FBXL4: variants seen among roughly 807,000 people sequenced by gnomAD.
The protein encoded by FBXL4 is F-box and leucine rich repeat protein 4.
A neutral mutation model predicts 58.9 loss-of-function variants in FBXL4; 40 were observed. That is an observed-to-expected ratio of 0.68 (90% CI 0.53 to 0.88). The LOEUF (loss-of-function observed/expected upper bound fraction) is 0.88, where lower values mean the gene tolerates loss of function less well. Ranked by LOEUF, FBXL4 falls within the 40% of genes least tolerant of loss-of-function variation. The pLI, the probability that FBXL4 is intolerant of heterozygous loss-of-function variation, is 0.00. For synonymous variants in FBXL4, 263 were observed against 265.5 expected, an observed-to-expected ratio of 0.99 and a Z score of 0.09; for missense variants, 676 against 734.4, an observed-to-expected ratio of 0.92 and a Z score of 0.92.
At position 98,917,598 on chromosome 6, in the gene FBXL4, AACTATTT is replaced by A. The variant is rs1582425360; in HGVS notation, c.627_633del (p.Asn210LeufsTer9). 2.5e-6 allele frequency: 4 copies of A among 1,614,036 alleles called. No homozygotes were observed. Among genetic ancestry groups the A allele is most frequent in the Non-Finnish European group, 2.5e-6 (3 of 1,179,920 alleles). Reference sequence around the variant, plus strand: ...AATTCAGTGTAATATTCCAGAAGAGAACTATTTACTTCCAGTCGTATAAGATTTGTGG... The same window carrying A: ...AATTCAGTGTAATATTCCAGAAGAGAACTTCCAGTCGTATAAGATTTGTGG... On this transcript the variant is annotated frameshift_variant, in exon 5 of 10. Coordinates refer to ENST00000369244, the MANE Select transcript of FBXL4 (RefSeq NM_001278716.2). LOFTEE classifies it high-confidence loss of function.
At chr6:98,896,716 T>G (rs1771423296) in intron 7 of FBXL4, 3 of 844,558 alleles carry the variant, frequency 3.6e-6, no homozygotes, top group South Asian at 5.5e-5. Flanking sequence ...TAAAAAAAAT[T>G]TAATAGGAAG....
chr6:98,932,289 A>G (rs746379150), intron 2 of FBXL4, among the ~76,000 whole-genome samples: 1 of 152,218 alleles, frequency 6.6e-6, no homozygotes, highest in Non-Finnish European at 1.5e-5. Flanking sequence ...CTCTACACTG[A>G]ACATTTATAC....
intron 7 of FBXL4, among the ~76,000 whole-genome samples, chr6:98,890,190 AT>A (rs1043907744): frequency 6.6e-6 from 1 of 152,182 alleles, no homozygotes; most frequent in African/African-American, 2.4e-5. Context: ...TTAATAAAGA[AT>A]GTAACCCTTA....
At chr6:98,909,825 C>T (rs1771961639) in intron 5 of FBXL4, among the ~76,000 whole-genome samples, 1 of 152,178 alleles carries the variant, frequency 6.6e-6, no homozygotes, top group South Asian at 2.1e-4. Flanking sequence ...CTTTCCATCA[C>T]ATGAGGTCTG....
At chr6:98,895,420 T>C (rs541265610) in intron 7 of FBXL4, among the ~76,000 whole-genome samples, 1 of 152,294 alleles carries the variant, frequency 6.6e-6, no homozygotes, top group Non-Finnish European at 1.5e-5. Flanking sequence ...CTATGTTGTA[T>C]CTCCTTACCA....
chr6:98,883,043 C>T (rs1770908351), intron 7 of FBXL4, among the ~76,000 whole-genome samples: 1 of 151,958 alleles, frequency 6.6e-6, no homozygotes, highest in Non-Finnish European at 1.5e-5. Context: ...TTAAATTAAC[C>T]TATTCTCCCA....
rs1026101669 is a variant in FBXL4, at chr6:98,872,877, T to C, written c.*1401A>G. The stretch of plus-strand genomic sequence containing the variant: ...TTGCCTCAGTTTCCTCATCTGTAAA[T>C]GGGGGTAAGTAATGGCATTTATCTT... On this transcript the variant is annotated 3_prime_UTR_variant, in exon 10 of 10. Transcript: ENST00000369244. The C allele has an allele frequency of 5.3e-5, 8 of 152,106 alleles. No individual in the cohort carries two copies. Among genetic ancestry groups the C allele is most frequent in the Non-Finnish European group, 1.0e-4 (7 of 68,046 alleles). 9.4% of individuals were successfully genotyped at this position (152,106 alleles called of 1,614,324 possible). A position where few individuals can be genotyped will look rare whatever the true frequency, so the allele number is the denominator to read the frequency against.
intron 5 of FBXL4, among the ~76,000 whole-genome samples, chr6:98,914,690 T>C (rs1562238051): frequency 6.6e-6 from 1 of 152,216 alleles, no homozygotes; most frequent in South Asian, 2.1e-4. Context: ...GAGCTATCTA[T>C]GACAAACCCA....
chr6:98,880,745 A>G, intron 7 of FBXL4, 121 bp from the exon 8 acceptor site: 2 of 773,136 alleles, frequency 2.6e-6, no homozygotes, highest in Non-Finnish European at 4.4e-6. Flanking sequence ...CTCAAAAGCT[A>G]GGTTACAGAG....
intron 4 of FBXL4, among the ~76,000 whole-genome samples, chr6:98,919,644 C>T (rs1423672650): frequency 3.9e-5 from 6 of 152,064 alleles, no homozygotes; most frequent in African/African-American, 1.4e-4. Context: ...TCAAGGGTTC[C>T]TAACGAAGGA....
chr6:98,939,261 G>C (rs570990759), intron 1 of FBXL4, among the ~76,000 whole-genome samples: 5 of 152,198 alleles, frequency 3.3e-5, no homozygotes, highest in African/African-American at 1.2e-4. Context: ...GCTGCCTCTT[G>C]AACAGTAGCA....
intron 1 of FBXL4, among the ~76,000 whole-genome samples, chr6:98,936,199 T>C (rs1175946894): frequency 3.9e-5 from 6 of 152,192 alleles, no homozygotes; most frequent in Non-Finnish European, 4.4e-5. Context: ...TGTACCCCAC[T>C]TTAAGCATAT....
intron 4 of FBXL4, among the ~76,000 whole-genome samples, chr6:98,918,498 C>T (rs1772456440): frequency 6.6e-6 from 1 of 152,040 alleles, no homozygotes; most frequent in African/African-American, 2.4e-5. Context: ...TCTTCAAGGC[C>T]TAACTTATAT....
chr6:98,930,578 C>A (rs1772975510), intron 2 of FBXL4, among the ~76,000 whole-genome samples: 1 of 152,096 alleles, frequency 6.6e-6, no homozygotes, highest in African/African-American at 2.4e-5. Context: ...TATATTACTT[C>A]TTTATTCAAA....
At chr6:98,904,947 A>C (rs978068962) in intron 6 of FBXL4, among the ~76,000 whole-genome samples, 1 of 152,230 alleles carries the variant, frequency 6.6e-6, no homozygotes, top group Non-Finnish European at 1.5e-5. Context: ...TTTAGCATGC[A>C]ACTGCATTTT....
At chr6:98,893,749 TA>T (rs1771313762) in intron 7 of FBXL4, among the ~76,000 whole-genome samples, 1 of 152,188 alleles carries the variant, frequency 6.6e-6, no homozygotes, top group South Asian at 2.1e-4. Context: ...CTAAAACAAT[TA>T]TGCATATAGT....
At chr6:98,919,727 G>C (rs889353294) in intron 4 of FBXL4, among the ~76,000 whole-genome samples, 10 of 152,290 alleles carry the variant, frequency 6.6e-5, no homozygotes, top group African/African-American at 2.4e-4. Context: ...GGGAACAGAA[G>C]CATGAAACAT....
chr6:98,939,650 T>G (rs1373638042), intron 1 of FBXL4, among the ~76,000 whole-genome samples: 6 of 152,238 alleles, frequency 3.9e-5, no homozygotes, highest in Non-Finnish European at 8.8e-5. Context: ...CAGACTGTAA[T>G]CTATGGTACA....
chr6:98,901,370 G>A (rs971596625), intron 6 of FBXL4, among the ~76,000 whole-genome samples: 1 of 152,044 alleles, frequency 6.6e-6, no homozygotes, highest in African/African-American at 2.4e-5. Flanking sequence ...GGGGATGCAG[G>A]AGGCGCAAAA....
Sources: allele counts gnomAD v4.1 joint callset (sites outside exome capture counted in the v4.1 genomes callset), GRCh38; gene constraint gnomAD v4.1.1; transcripts MANE v1.5; gene names NCBI Gene and HGNC (gene_info 2026-07-23, HGNC 2026-07-21).